The following CYFIP2 variants were observed in gnomAD, a reference collection of about 807,000 sequenced individuals.
CYFIP2 encodes the protein cytoplasmic FMR1 interacting protein 2, also known as cytoplasmic FMR1-interacting protein 2.
CYFIP2 carries 29 observed loss-of-function variants against 158.7 expected under a neutral mutation model. The ratio of observed to expected loss-of-function variants is 0.18; its 90% CI spans 0.14 to 0.25. The LOEUF (loss-of-function observed/expected upper bound fraction) is 0.25. CYFIP2 is among the 10% of genes least tolerant of loss of function. CYFIP2 has a pLI of 1.00. For missense variants in CYFIP2, 852 were observed against 1,639.5 expected, an observed-to-expected ratio of 0.52 and a Z score of 8.29; for synonymous variants, 585 against 617.6, an observed-to-expected ratio of 0.95 and a Z score of 0.78.
intron 15 of CYFIP2, among the ~76,000 whole-genome samples, chr5:157,321,651 A>C (rs1181573449): frequency 6.6e-6 from 1 of 152,124 alleles, no homozygotes; most frequent in Non-Finnish European, 1.5e-5. Flanking sequence ...ATGACCTTTA[A>C]GCCTCTCTCT....
chr5:157,332,591 T>G (rs1235963115), intron 20 of CYFIP2, among the ~76,000 whole-genome samples: 2 of 151,822 alleles, frequency 1.3e-5, no homozygotes, highest in Non-Finnish European at 2.9e-5. Context: ...CTTTGTAATT[T>G]TAATCCAGTT....
chr5:157,367,155 C>A (rs1464090965), intron 26 of CYFIP2, among the ~76,000 whole-genome samples: 5 of 152,204 alleles, frequency 3.3e-5, no homozygotes, highest in Non-Finnish European at 7.3e-5. Context: ...GATCCGAATG[C>A]CAGTCAGATC....
intron 1 of CYFIP2, chr5:157,277,264 C>T (rs1345057782): frequency 1.3e-5 from 2 of 152,362 alleles, no homozygotes; most frequent in Non-Finnish European, 2.9e-5. Flanking sequence ...CTCCTGACCT[C>T]AGGAGATCCG....
Position 157,311,911 on chromosome 5 carries a change from G to T in CYFIP2, c.1110+130G>T. On this transcript the variant is annotated intron_variant, in intron 11 of 30. Coordinates refer to ENST00000620254, the MANE Select transcript of CYFIP2 (RefSeq NM_001037333.3). This position sits in a 1 kb window ranked among gnomAD's most constrained non-coding sequence, Gnocchi z 4.7. ...GGGAGGGAGGCAGGAGGGTAAAGTG[G>T]CCAACAGCAGGGGTTTTGGAGCCAG... 1 of 818,016 alleles carries T rather than the reference G, an allele frequency of 1.2e-6. No homozygotes were observed. The allele number at this position is 818,016 out of a possible 1,614,324, so 50.7% of individuals were successfully genotyped here.
chr5:157,378,916 A>G (rs968127715), intron 26 of CYFIP2, among the ~76,000 whole-genome samples: 11 of 152,234 alleles, frequency 7.2e-5, no homozygotes, highest in Non-Finnish European at 1.5e-4. Context: ...ATTGCACATT[A>G]TAACTTAATT....
chr5:157,390,273 T>G (rs1581212944), intron 29 of CYFIP2, among the ~76,000 whole-genome samples: 1 of 75,022 alleles, frequency 1.3e-5, no homozygotes, highest in South Asian at 4.5e-4. Flanking sequence ...TAGAGCTGAT[T>G]TTTTTTTTTT....
Position 157,361,437 on chromosome 5 carries a change from T to G in CYFIP2, c.2909-31T>G, listed in dbSNP as rs952182843. 1 of 1,613,048 alleles carries G rather than the reference T, an allele frequency of 6.2e-7. No homozygotes were observed. Among genetic ancestry groups the G allele is most frequent in the African/African-American group, 1.3e-5 (1 of 74,888 alleles). On this transcript the variant is annotated intron_variant, in intron 25 of 30. Transcript: ENST00000620254. This position sits in a 1 kb window ranked among gnomAD's most constrained non-coding sequence, Gnocchi z 4.4. ...ATAGACCCTACTGAGCAGTGTCAAC[T>G]TCCCACTGACCACCCCGATTCACCT...
In CYFIP2 at chr5:157,394,680, G is replaced by A. The variant is rs1484756170; in HGVS notation, c.*1680G>A. On this transcript the variant is annotated 3_prime_UTR_variant, in exon 31 of 31. Coordinates refer to ENST00000620254, the MANE Select transcript of CYFIP2 (RefSeq NM_001037333.3). ...ATGTTTGGGAACCACTGCTGTAAGGGAATCATTCTGGTCACCTTGAGCTTT... is the reference window on the plus strand; with the variant it reads ...ATGTTTGGGAACCACTGCTGTAAGGAAATCATTCTGGTCACCTTGAGCTTT... 6.6e-6 allele frequency: 1 copy of A among 152,156 alleles called. No individual in the cohort carries two copies. Among genetic ancestry groups the A allele is most frequent in the Non-Finnish European group, 1.5e-5 (1 of 68,036 alleles). The allele number at this position is 152,156 out of a possible 1,614,324, so 9.4% of individuals were successfully genotyped here.
rs761363094 is a variant in CYFIP2, at chr5:157,383,350, G to A, written c.3198G>A (p.Gly1066=). 1.1e-5 allele frequency: 17 copies of A among 1,613,604 alleles called. No individual in the cohort carries two copies. The highest frequency in any genetic ancestry group is 1.4e-5 in the Non-Finnish European group (16 of 1,179,822). ...TGGTCCCTCTGATCGAGCGGCTGGG[G>A]ACCCCTCAGGTACCAATCTTATATA... is the stretch of plus-strand genomic sequence containing the variant. ...LHLVPLIERL[G]TPQQIAIARE... The change falls in exon 28 of 31, where the codon GGG becomes GGA. Residue 1066 remains glycine (G), a synonymous_variant. Transcript: ENST00000620254.
At chr5:157,377,206 C>G (rs1035969204) in intron 26 of CYFIP2, among the ~76,000 whole-genome samples, 2 of 151,950 alleles carry the variant, frequency 1.3e-5, no homozygotes, top group African/African-American at 2.4e-5. Context: ...CTGATGAAAA[C>G]CATCAGGATA....
At chr5:157,314,534 G>A (rs1043521447) in intron 12 of CYFIP2, 71 bp downstream of exon 12, 4 of 1,549,464 alleles carry the variant, frequency 2.6e-6, no homozygotes, top group Admixed American at 2.0e-5. Flanking sequence ...TCTCCCCCTA[G>A]CACTCTCTTT....
At chr5:157,373,518 A>T (rs1305995202) in intron 26 of CYFIP2, among the ~76,000 whole-genome samples, 4 of 152,196 alleles carry the variant, frequency 2.6e-5, no homozygotes, top group Non-Finnish European at 4.4e-5. Flanking sequence ...ATGTGTTGGG[A>T]GAAAGAGCAT....
At chr5:157,376,688 A>G (rs1581178837) in intron 26 of CYFIP2, 1 of 237,614 alleles carries the variant, frequency 4.2e-6, no homozygotes, top group South Asian at 4.4e-5. Flanking sequence ...CTTGGGTCTC[A>G]TATAGTCAGA....
intron 1 of CYFIP2, among the ~76,000 whole-genome samples, chr5:157,267,325 C>T (rs762870983): frequency 6.6e-5 from 10 of 152,214 alleles, no homozygotes; most frequent in Non-Finnish European, 1.3e-4. Flanking sequence ...AGGAGACTGT[C>T]GGTTCCTGTG....
rs147373316 is a variant in CYFIP2 at position 157,341,057 on chromosome 5, A to C, written c.2586-13A>C. ...ACCATATTAACTCTTTCCCATCCCT[A>C]TGCTTCTACTAGTTTTGTGCGGACT... On this transcript the variant is annotated splice_polypyrimidine_tract_variant and intron_variant, in intron 22 of 30. Coordinates refer to ENST00000620254, the MANE Select transcript of CYFIP2 (RefSeq NM_001037333.3). 3 of 1,612,620 alleles carry C rather than the reference A, an allele frequency of 1.9e-6. No individual in the cohort carries two copies. The South Asian group carries it at 3.3e-5, about 18-fold the overall frequency.
chr5:157,325,431 AGGTC>A, intron 16 of CYFIP2, 47 bp from the exon 17 acceptor site: 1 of 1,534,118 alleles, frequency 6.5e-7, no homozygotes, highest in South Asian at 1.3e-5. Flanking sequence ...ATGAGAACTA[AGGTC>A]TTTTAGTTCT....
chr5:157,350,052 A>G (rs1282869400), intron 23 of CYFIP2, among the ~76,000 whole-genome samples: 1 of 152,190 alleles, frequency 6.6e-6, no homozygotes, highest in Non-Finnish European at 1.5e-5. Context: ...ATAGTTTGCA[A>G]AGATTTTCTC....
intron 29 of CYFIP2, 136 bp downstream of exon 29, chr5:157,389,563 T>C: frequency 2.7e-6 from 2 of 742,110 alleles, no homozygotes; most frequent in Non-Finnish European, 4.3e-6. Flanking sequence ...GTTGAGTGTG[T>C]TGAGCTGACT....
At chr5:157,312,739 G>A (rs755648024) in intron 11 of CYFIP2, among the ~76,000 whole-genome samples, 1 of 152,172 alleles carries the variant, frequency 6.6e-6, no homozygotes, top group Non-Finnish European at 1.5e-5. Context: ...CATGACTTGT[G>A]GTCATTAGAC....
Sources: gnomAD v4.1 joint callset for allele counts (sites outside exome capture counted in the v4.1 genomes callset) on GRCh38, gnomAD v4.1.1 for gene constraint, Gnocchi (gnomAD v3.1) non-coding constraint, MANE v1.5 for transcripts, NCBI Gene and HGNC (gene_info 2026-07-23, HGNC 2026-07-21) for gene names.